The following QKI variants were observed in gnomAD, a reference collection of about 807,000 sequenced individuals.
QKI encodes the protein KH domain-containing RNA-binding protein QKI.
In QKI, 10 loss-of-function variants were observed where a neutral mutation model predicts 39.0. The observed-to-expected ratio is 0.26, with a 90% CI of 0.16 to 0.43. QKI has a LOEUF of 0.43. QKI is among the 20% of genes least tolerant of loss of function. The pLI is 1.00. For synonymous variants in QKI, 204 were observed against 155.4 expected (o/e 1.31, Z -2.33); for missense variants, 218 against 428.0 (o/e 0.51, Z 4.33).
chr6:163,555,702 A>G lies in QKI; in HGVS notation c.547-6280A>G, dbSNP rs146008813. On this transcript the variant is annotated intron_variant, in intron 4 of 7. Transcript: ENST00000361752. ...CAAGGTTGCTCATGTAAACTGTTCAATGCCCTGAATGCTGGAGAATTTGGG... is the reference window on the plus strand; with the variant it reads ...CAAGGTTGCTCATGTAAACTGTTCAGTGCCCTGAATGCTGGAGAATTTGGG... 5.8e-3 allele frequency among the ~76,000 whole-genome samples: 878 copies of G among 152,266 alleles called. 12 individuals carry two copies. The highest frequency in any genetic ancestry group is 0.02 in the African/African-American group (818 of 41,548).
At chr6:163,437,788 A>G (rs1789431115) in intron 1 of QKI, among the ~76,000 whole-genome samples, 1 of 152,320 alleles carries the variant, frequency 6.6e-6, no homozygotes, top group Admixed American at 6.5e-5. Flanking sequence ...GTCAATATGT[A>G]TTAGACGCTA....
At chr6:163,478,204 G>A (rs753586660) in intron 2 of QKI, among the ~76,000 whole-genome samples, 72 of 152,078 alleles carry the variant, frequency 4.7e-4, no homozygotes, top group Admixed American at 9.8e-4. Flanking sequence ...GTGATATTCA[G>A]AGTTTAGGTT....
chr6:163,535,224 T>C, intron 4 of QKI, 99 bp downstream of exon 4: 1 of 1,208,718 alleles, frequency 8.3e-7, no homozygotes, highest in Non-Finnish European at 1.1e-6. Context: ...TTATTGGTTG[T>C]TAGAAATTTT....
chr6:163,472,911 T>TA (rs886625885), intron 2 of QKI, among the ~76,000 whole-genome samples: 15 of 151,798 alleles, frequency 9.9e-5, no homozygotes, highest in African/African-American at 3.1e-4. Flanking sequence ...ATAAGCAAAA[T>TA]ATTCATTTCA....
At chr6:163,507,819 A>G (rs1351133579) in intron 3 of QKI, among the ~76,000 whole-genome samples, 1 of 152,228 alleles carries the variant, frequency 6.6e-6, no homozygotes, top group African/African-American at 2.4e-5. Flanking sequence ...TTAAGCTCTG[A>G]AAGTAAATCA....
At chr6:163,564,609 T>C in intron 6 of QKI, 1 of 1,612,932 alleles carries the variant, frequency 6.2e-7, no homozygotes, top group Non-Finnish European at 8.5e-7. Flanking sequence ...CGCTTGGTTT[T>C]ACATGAACAA....
chr6:163,494,160 T>C (rs1778247427), intron 3 of QKI, among the ~76,000 whole-genome samples: 1 of 152,116 alleles, frequency 6.6e-6, no homozygotes, highest in Non-Finnish European at 1.5e-5. Context: ...AAAATAATAA[T>C]ACAACAATAG....
rs942095820 is a variant in QKI at position 163,575,801 on chromosome 6, C to CGT, written c.*5098_*5099dup. ...CAAATCAAGACTCTTCATATATATA[C>CGT]GTGTGTGTATATATATATGTCATAA... is the stretch of plus-strand genomic sequence containing the variant. On this transcript the variant is annotated 3_prime_UTR_variant, in exon 8 of 8. Coordinates refer to ENST00000361752, the MANE Select transcript of QKI (RefSeq NM_006775.3). The CGT allele has an allele frequency of 3.3e-5, 5 of 150,080 alleles. No homozygotes were observed. Among genetic ancestry groups the CGT allele is most frequent in the African/African-American group, 7.5e-5 (3 of 39,824 alleles). 9.3% of individuals were successfully genotyped at this position (150,080 alleles called of 1,614,324 possible). A position where few individuals can be genotyped will look rare whatever the true frequency, so the allele number is the denominator to read the frequency against.
chr6:163,465,558 G>A (rs1481833744), intron 2 of QKI, among the ~76,000 whole-genome samples: 1 of 151,402 alleles, frequency 6.6e-6, no homozygotes, highest in Non-Finnish European at 1.5e-5. Context: ...GAGCCCAAGA[G>A]GTGGAGGTCG....
At chr6:163,472,021 T>C (rs1221211046) in intron 2 of QKI, among the ~76,000 whole-genome samples, 2 of 152,156 alleles carry the variant, frequency 1.3e-5, no homozygotes, top group East Asian at 1.9e-4. Context: ...CAGAAAGATA[T>C]ACACTTGACC....
intron 1 of QKI, among the ~76,000 whole-genome samples, chr6:163,427,240 T>G (rs931833496): frequency 5.2e-5 from 7 of 135,310 alleles, no homozygotes; most frequent in African/African-American, 1.3e-4. Flanking sequence ...TTTATACTCG[T>G]ACCTTTTTTT....
chr6:163,548,195 T>A (rs1782009303), intron 4 of QKI, among the ~76,000 whole-genome samples: 1 of 152,140 alleles, frequency 6.6e-6, no homozygotes, highest in Non-Finnish European at 1.5e-5. Context: ...TTTATCCCCT[T>A]GCCCCTGACT....
intron 3 of QKI, among the ~76,000 whole-genome samples, chr6:163,492,659 TA>T (rs1315825439): frequency 6.6e-6 from 1 of 152,130 alleles, no homozygotes; most frequent in African/African-American, 2.4e-5. Flanking sequence ...AAAATTTTCT[TA>T]AAAAATCTAA....
At chr6:163,549,091 A>G (rs1782061866) in intron 4 of QKI, among the ~76,000 whole-genome samples, 1 of 152,172 alleles carries the variant, frequency 6.6e-6, no homozygotes, top group South Asian at 2.1e-4. Flanking sequence ...GGGAGGCCTT[A>G]GGCAACTTAC....
At chr6:163,452,137 C>T (rs1295721978) in intron 1 of QKI, among the ~76,000 whole-genome samples, 1 of 152,174 alleles carries the variant, frequency 6.6e-6, no homozygotes, top group South Asian at 2.1e-4. Context: ...TCTAAAATCA[C>T]AGTTACTGTT....
At chr6:163,503,906 A>AT (rs1331002625) in intron 3 of QKI, among the ~76,000 whole-genome samples, 7 of 150,398 alleles carry the variant, frequency 4.7e-5, no homozygotes, top group Admixed American at 6.6e-5. Flanking sequence ...CACCGGGCTA[A>AT]TTTTTTTTTG....
Position 163,566,757 on chromosome 6 carries a change from G to A in QKI, c.971G>A (p.Arg324His), listed in dbSNP as rs1783385444. The change falls in exon 7 of 8, where the codon CGT (arginine) becomes CAT (histidine). Residue 324 changes from arginine (R) to histidine (H), a missense_variant. Physicochemically the swap from Arg to His is conservative, Grantham distance 29. This residue lies in a region of QKI where 117 missense variants were observed against 186.0 expected (regional missense o/e 0.63). Transcript: ENST00000361752. Reference protein sequence around the residue: ...VATKVRRHDMRVHPYQRIVTA... With the variant: ...VATKVRRHDMHVHPYQRIVTA... ...ACTAAAGTTCGAAGGCACGATATGC[G>A]TGTCCATCCTTACCAAAGGATTGTG... 1.2e-6 allele frequency: 2 copies of A among 1,613,808 alleles called. No individual in the cohort carries two copies. Among genetic ancestry groups the A allele is most frequent in the Non-Finnish European group, 1.7e-6 (2 of 1,179,864 alleles).
rs147695545 is a variant in QKI at position 163,448,353 on chromosome 6, T to C, written c.143-6926T>C. Among the ~76,000 whole-genome samples, 12 of 150,064 alleles carry C rather than the reference T, an allele frequency of 8.0e-5. No homozygotes were observed. The East Asian group carries it at 2.3e-3, about 29-fold the overall frequency. ...AGCTTGGGTTTTTTTTTTTTTTTTC[T>C]TGCCAGTTTGAAAGCAGTTACTTTG... On this transcript the variant is annotated intron_variant, in intron 1 of 7. Transcript: ENST00000361752.
chr6:163,462,787 AAT>A lies in QKI; in HGVS notation c.285+7367_285+7368del, dbSNP rs1383085187. On this transcript the variant is annotated intron_variant, in intron 2 of 7. Transcript: ENST00000361752. ...GCTCTCATGGTACTGATATAGCCAC[AAT>A]CCTGGTATGGAATAATGAGAGCTTG... is the stretch of plus-strand genomic sequence containing the variant. 1.5e-4 allele frequency among the ~76,000 whole-genome samples: 23 copies of A among 152,324 alleles called. No individual in the cohort carries two copies. In the East Asian group the frequency reaches 3.9e-3, roughly 26 times the overall value.
Sources: allele counts gnomAD v4.1 joint callset (sites outside exome capture counted in the v4.1 genomes callset), GRCh38; gene constraint gnomAD v4.1.1; regional missense constraint gnomAD v4.1.1; transcripts MANE v1.5; gene names NCBI Gene and HGNC (gene_info 2026-07-23, HGNC 2026-07-21).